Variants in USP36 observed in about 807,000 individuals in gnomAD.
The protein encoded by USP36 is ubiquitin specific peptidase 36.
A neutral mutation model predicts 111.5 loss-of-function variants in USP36; 59 were observed. The observed-to-expected ratio is 0.53, with a 90% CI of 0.43 to 0.66. USP36 has a LOEUF of 0.66. Ranked by LOEUF, USP36 falls within the 30% of genes least tolerant of loss-of-function variation. USP36 has a pLI of 0.00. For synonymous variants in USP36, 628 were observed against 581.0 expected (o/e 1.08, Z -1.16); for missense variants, 1,488 against 1,468.0 (o/e 1.01, Z -0.22).
At chr17:78,834,435 T>C (rs546769313) in intron 4 of USP36, among the ~76,000 whole-genome samples, 2 of 151,958 alleles carry the variant, frequency 1.3e-5, no homozygotes, top group Non-Finnish European at 2.9e-5. Flanking sequence ...TCCAGCTAAT[T>C]GTTTCGATTT....
At chr17:78,827,093 G>T in intron 6 of USP36, 152 bp downstream of exon 6, 1 of 834,472 alleles carries the variant, frequency 1.2e-6, no homozygotes, top group Non-Finnish European at 2.0e-6. Context: ...GGCTCCAACA[G>T]TTTGAGTACC....
chr17:78,837,839 C>T (rs1394594426), intron 2 of USP36, among the ~76,000 whole-genome samples: 1 of 152,220 alleles, frequency 6.6e-6, no homozygotes, highest in Admixed American at 6.5e-5. Flanking sequence ...AGGACTTCCT[C>T]CAGCACCTCA....
At chr17:78,828,754 C>T (rs2067807863) in intron 5 of USP36, 143 bp downstream of exon 5, 2 of 771,344 alleles carry the variant, frequency 2.6e-6, no homozygotes, top group South Asian at 1.8e-5. Context: ...TCTGTAATCC[C>T]AACACTTTGG....
At chr17:78,807,748 T>C (rs2093947363) in intron 13 of USP36, 112 bp from the exon 14 acceptor site, 6 of 1,061,874 alleles carry the variant, frequency 5.7e-6, no homozygotes, top group Non-Finnish European at 7.8e-6. Flanking sequence ...CTGATTAGCA[T>C]GCTCAAGATA....
intron 17 of USP36, among the ~76,000 whole-genome samples, chr17:78,800,968 T>A (rs1326387902): frequency 1.6e-5 from 2 of 126,400 alleles, no homozygotes; most frequent in East Asian, 4.9e-4. Flanking sequence ...GTTAGGGCAG[T>A]ATTTTTTTTT....
chr17:78,803,594 T>A lies in USP36; in HGVS notation c.2601A>T (p.Arg867Ser). The A allele has an allele frequency of 6.2e-7, 1 of 1,612,972 alleles. No homozygotes were observed. The change falls in exon 16 of 21, where the codon AGA becomes AGT. Residue 867 changes from arginine to serine, a missense_variant. Coordinates refer to ENST00000449938, the MANE Select transcript of USP36 (RefSeq NM_001385174.1). This position sits in a 1 kb window ranked among gnomAD's most constrained non-coding sequence, Gnocchi z 4.6. The stretch of plus-strand genomic sequence containing the variant: ...TCCTGTACATGGGGCTCCCAGGCTG[T>A]CTCTGTGTCTGCCCCTCCTGCAGGG... ...ASALQEGQTQ[R>S]QPGSPMYRRE...
At chr17:78,795,001 C>T (rs2093610835), downstream of USP36, among the ~76,000 whole-genome samples, 1 of 142,242 alleles carries the variant, frequency 7.0e-6, no homozygotes, top group Admixed American at 7.3e-5. The surrounding 1 kb of genome is among the most constrained non-coding windows in gnomAD (Gnocchi z 4.5). Flanking sequence ...GAGGGAGACT[C>T]TGTTCGGGAA....
At chr17:78,806,754 C>T (rs146557659) in intron 14 of USP36, among the ~76,000 whole-genome samples, 31 of 152,346 alleles carry the variant, frequency 2.0e-4, no homozygotes, top group Middle Eastern at 3.4e-3. Flanking sequence ...CAGATCAGGG[C>T]TCTCTCAACA....
rs2068945420 is a variant in USP36, at chr17:78,838,668, GGT to G, written c.-93_-92del. 6.6e-6 allele frequency: 1 copy of G among 152,258 alleles called. No homozygotes were observed. Among genetic ancestry groups the G allele is most frequent in the Non-Finnish European group, 1.5e-5 (1 of 68,088 alleles). 9.4% of individuals were successfully genotyped at this position (152,258 alleles called of 1,614,324 possible). A position where few individuals can be genotyped will look rare whatever the true frequency, so the allele number is the denominator to read the frequency against. On this transcript the variant is annotated 5_prime_UTR_variant, in exon 2 of 21. An upstream open reading frame in the 5' UTR loses its in-frame stop. Transcript: ENST00000449938. ...ACGGAGGGCTGAGTTTGGTTGGGCA[GGT>G]GCTACGCGGAGCTCCTGAATGTAAG... is the stretch of plus-strand genomic sequence containing the variant.
intron 15 of USP36, among the ~76,000 whole-genome samples, chr17:78,805,253 A>C (rs2093866547): frequency 6.6e-6 from 1 of 152,198 alleles, no homozygotes; most frequent in South Asian, 2.1e-4. Flanking sequence ...GATTACTCTA[A>C]GTGTCTTCTG....
intron 6 of USP36, among the ~76,000 whole-genome samples, chr17:78,823,477 G>A (rs962273678): frequency 2.6e-5 from 4 of 152,200 alleles, no homozygotes; most frequent in Admixed American, 6.5e-5. Flanking sequence ...AAGGCAAGCT[G>A]AGTGACAGCG....
rs548197375 is a variant in USP36 at position 78,807,167 on chromosome 17, G to T, written c.1877C>A (p.Ala626Asp). 1 of 1,614,194 alleles carries T rather than the reference G, an allele frequency of 6.2e-7. No individual in the cohort carries two copies. Among genetic ancestry groups the T allele is most frequent in the Admixed American group, 1.7e-5 (1 of 60,016 alleles). ...CGCTCCACTCCTGGGGGTCTGGGGG[G>T]CCTTGGTGGAGTCGCTGCTGGCCGA... ...EHSASSDSTK[A>D]PQTPRSGAAH... Residue 626 changes from alanine (A) to aspartate (D), a missense_variant, in exon 14 of 21, where the codon GCC becomes GAC. Around this residue, in one of 3 missense-constraint regions of USP36, gnomAD observed 1,073 missense variants for 994.1 expected, o/e 1.08. Transcript: ENST00000449938.
rs771709549 is a variant in USP36, at chr17:78,803,555, T to C, written c.2640A>G (p.Ala880=). 216 of 1,613,440 alleles carry C rather than the reference T, an allele frequency of 1.3e-4. No individual in the cohort carries two copies. The highest frequency in any genetic ancestry group is 1.8e-4 in the Non-Finnish European group (215 of 1,180,018). ...GSPMYRREGQ[A]QLPAVRRQED... Reference sequence around the variant, plus strand: ...CCTGCCGTCTGACAGCGGGCAGCTGTGCCTGGCCCTCCCTCCTGTACATGG... The same window carrying C: ...CCTGCCGTCTGACAGCGGGCAGCTGCGCCTGGCCCTCCCTCCTGTACATGG... The change falls in exon 16 of 21, where the codon GCA becomes GCG. Residue 880 remains alanine (A), a synonymous_variant. Transcript: ENST00000449938. This position sits in a 1 kb window ranked among gnomAD's most constrained non-coding sequence, Gnocchi z 4.6.
At chr17:78,799,051 G>A (rs547273327) in intron 18 of USP36, 28 bp from the exon 19 acceptor site, 29 of 1,607,686 alleles carry the variant, frequency 1.8e-5, no homozygotes, top group Middle Eastern at 1.7e-4. Flanking sequence ...GGGTCAGCAC[G>A]AGTGCAGGTT....
Position 78,836,385 on chromosome 17 carries a change from G to C in USP36, c.-9-13C>G. 6.2e-7 allele frequency: 1 copy of C among 1,610,942 alleles called. No homozygotes were observed. Among genetic ancestry groups the C allele is most frequent in the Non-Finnish European group, 8.5e-7 (1 of 1,178,158 alleles). On this transcript the variant is annotated splice_polypyrimidine_tract_variant and intron_variant, in intron 2 of 20. Transcript: ENST00000449938. ...GCATGGTGCATCACTGTGGGGACAA[G>C]AAGAAACATAGAGCCATAGATAACG...
intron 11 of USP36, 38 bp from the exon 12 acceptor site, chr17:78,813,911 C>G: frequency 1.3e-6 from 2 of 1,566,678 alleles, no homozygotes; most frequent in African/African-American, 1.4e-5. Context: ...ACAAAACAAT[C>G]AACAAGCATC....
chr17:78,819,015 A>G (rs188593464), intron 9 of USP36: 9 of 408,288 alleles, frequency 2.2e-5, no homozygotes, highest in Middle Eastern at 7.4e-4. Context: ...AAAAAATAAA[A>G]GTACTGTACC....
chr17:78,802,245 C>T lies in USP36; in HGVS notation c.3022+79G>A, dbSNP rs1314216283. 16 of 1,430,540 alleles carry T rather than the reference C, an allele frequency of 1.1e-5. No homozygotes were observed. In the East Asian group the frequency reaches 1.8e-4, roughly 16 times the overall value. 88.6% of individuals were successfully genotyped at this position (1,430,540 alleles called of 1,614,324 possible). On this transcript the variant is annotated intron_variant, in intron 17 of 20. Transcript: ENST00000449938. ...CCATGCGGTCCCCCAACCCCTCGCC[C>T]GGTGCACACCCATGCGGTCCCCCAA...
In USP36 at chr17:78,819,491, G is replaced by C. The variant is rs183619655; in HGVS notation, c.911+439C>G. ...AAAACCAGTTAAGTAAAAAATGAAA[G>C]CCAAAGAAAACACTCCTTAAGAGGC... is the stretch of plus-strand genomic sequence containing the variant. On this transcript the variant is annotated intron_variant, in intron 9 of 20. Transcript: ENST00000449938. 1.2e-3 allele frequency among the ~76,000 whole-genome samples: 182 copies of C among 152,360 alleles called. 1 individual carries two copies. The highest frequency in any genetic ancestry group is 1.8e-3 in the Admixed American group (28 of 15,308).
Sources: gnomAD v4.1 joint callset for allele counts (sites outside exome capture counted in the v4.1 genomes callset) on GRCh38, gnomAD v4.1.1 for gene constraint, gnomAD v4.1.1 regional missense constraint, Gnocchi (gnomAD v3.1) non-coding constraint, MANE v1.5 for transcripts, NCBI Gene and HGNC (gene_info 2026-07-23, HGNC 2026-07-21) for gene names.